The following CLIP2 variants were observed in gnomAD, a reference collection of about 807,000 sequenced individuals.
The protein encoded by CLIP2 is CAP-Gly domain-containing linker protein 2.
Under a neutral mutation model 111.7 loss-of-function variants are expected in CLIP2, and 41 were observed. That is an observed-to-expected ratio of 0.37 (90% CI 0.29 to 0.48). The LOEUF is 0.48. Ranked by LOEUF, CLIP2 falls within the 20% of genes least tolerant of loss-of-function variation. The pLI is 0.99. For missense variants in CLIP2, 1,160 were observed against 1,422.1 expected, an observed-to-expected ratio of 0.82 and a Z score of 2.96; for synonymous variants, 660 against 644.2, an observed-to-expected ratio of 1.02 and a Z score of -0.37.
At chr7:74,349,985 G>A (rs1381783457) in intron 3 of CLIP2, among the ~76,000 whole-genome samples, 1 of 152,010 alleles carries the variant, frequency 6.6e-6, no homozygotes, top group Non-Finnish European at 1.5e-5. Context: ...TAGACTAAGG[G>A]TTGTCAGGGG....
intron 3 of CLIP2, among the ~76,000 whole-genome samples, chr7:74,349,168 T>C (rs567578788): frequency 1.5e-4 from 21 of 140,724 alleles, no homozygotes; most frequent in Admixed American, 3.5e-4. Flanking sequence ...CATGGTAGCT[T>C]ACGCCTGTAA....
intron 2 of CLIP2, among the ~76,000 whole-genome samples, chr7:74,324,353 G>A (rs1181884029): frequency 6.6e-6 from 1 of 152,106 alleles, no homozygotes; most frequent in Non-Finnish European, 1.5e-5. Context: ...TGCATCCTAT[G>A]GGAAGCACCT....
At position 74,376,222 on chromosome 7, in the gene CLIP2, G is replaced by A; in HGVS notation, c.1821G>A (p.Met607Ile). The A allele has an allele frequency of 6.2e-7, 1 of 1,612,748 alleles. No individual in the cohort carries two copies. Among genetic ancestry groups the A allele is most frequent in the Non-Finnish European group, 8.5e-7 (1 of 1,179,448 alleles). Residue 607 changes from methionine to isoleucine, a missense_variant, in exon 10 of 17, where the codon ATG (methionine) becomes ATA (isoleucine). Met to Ile is a conservative substitution (Grantham distance 10). Around this residue, in one of 5 missense-constraint regions of CLIP2, gnomAD observed 676 missense variants for 777.8 expected, o/e 0.87. Coordinates refer to ENST00000223398, the MANE Select transcript of CLIP2 (RefSeq NM_003388.5). The surrounding 1 kb of genome is among the most constrained non-coding windows in gnomAD (Gnocchi z 7.1). ...DKVQQATSEN[M>I]GLMDNWKSKL... ...TTCAGCAGGCCACCAGCGAGAACAT[G>A]GGGCTAATGGACAACTGGAAATCCA...
intron 7 of CLIP2, among the ~76,000 whole-genome samples, chr7:74,361,932 C>T (rs2116620655): frequency 6.6e-6 from 1 of 152,114 alleles, no homozygotes; most frequent in South Asian, 2.1e-4. Context: ...GAAACCCTGT[C>T]TCTACTAAAA....
At chr7:74,399,271 C>T (rs1183694590) in intron 14 of CLIP2, among the ~76,000 whole-genome samples, 2 of 152,096 alleles carry the variant, frequency 1.3e-5, no homozygotes, top group Non-Finnish European at 2.9e-5. Flanking sequence ...GGTGCGGTGG[C>T]TCATGCCTAT....
At chr7:74,388,492 C>T (rs1302057463) in intron 12 of CLIP2, among the ~76,000 whole-genome samples, 2 of 148,218 alleles carry the variant, frequency 1.3e-5, no homozygotes, top group East Asian at 2.0e-4. Flanking sequence ...AGCAAGACTC[C>T]GTCTCAAAAA....
Position 74,403,837 on chromosome 7 carries a change from G to T in CLIP2, c.3130G>T (p.Asp1044Tyr). 6.2e-7 allele frequency: 1 copy of T among 1,613,234 alleles called. No homozygotes were observed. The change falls in exon 17 of 17, where the codon GAC (aspartate) becomes TAC (tyrosine). Residue 1044 changes from aspartate to tyrosine, a missense_variant and splice_region_variant. Asp to Tyr is a radical substitution (Grantham distance 160). Coordinates refer to ENST00000223398, the MANE Select transcript of CLIP2 (RefSeq NM_003388.5). ...HQQDKAQKQE[D>Y]KH Reference sequence around the variant, plus strand: ...TGATGATGCCCTTTACTCTCTCTAGGACAAGCACTGATCCTGAGGGGATAC... The same window carrying T: ...TGATGATGCCCTTTACTCTCTCTAGTACAAGCACTGATCCTGAGGGGATAC...
intron 13 of CLIP2, among the ~76,000 whole-genome samples, chr7:74,391,312 GA>G (rs1410949859): frequency 2.0e-5 from 3 of 152,224 alleles, no homozygotes; most frequent in Admixed American, 1.3e-4. Context: ...ACTAGCCCCA[GA>G]AAAAACCTAT....
chr7:74,336,481 G>T (rs569470599), intron 2 of CLIP2, among the ~76,000 whole-genome samples: 4 of 152,104 alleles, frequency 2.6e-5, no homozygotes, highest in African/African-American at 9.6e-5. Context: ...CATGGCGGCA[G>T]ACAAGAGAGA....
intron 14 of CLIP2, among the ~76,000 whole-genome samples, chr7:74,397,721 C>T (rs1791499347): frequency 7.3e-6 from 1 of 137,926 alleles, no homozygotes; most frequent in African/African-American, 2.8e-5. Context: ...GGCTGGAGTG[C>T]AGTGGCGCGA....
rs1554307400 is a variant in CLIP2 at position 74,351,006 on chromosome 7, A to AGGAAAG, written c.679-2874_679-2873insGGAAAG. 3.0e-5 allele frequency among the ~76,000 whole-genome samples: 4 copies of AGGAAAG among 135,588 alleles called. No individual in the cohort carries two copies. In the East Asian group the frequency reaches 8.8e-4, roughly 30 times the overall value. The allele number at this position is 135,588 out of a possible 152,430, so 89.0% of individuals were successfully genotyped here. On this transcript the variant is annotated intron_variant, in intron 3 of 16. Coordinates refer to ENST00000223398, the MANE Select transcript of CLIP2 (RefSeq NM_003388.5). ...AGGGAAGGAAGAGAAGAAGGAGAGA[A>AGGAAAG]AGAAAGAAGGAAGGAAAGGGAAGAG...
chr7:74,340,797 G>A (rs570831865), intron 3 of CLIP2, among the ~76,000 whole-genome samples: 1 of 152,280 alleles, frequency 6.6e-6, no homozygotes, highest in East Asian at 1.9e-4. Flanking sequence ...CCTGGGGTGT[G>A]AGGAGCTGTC....
intron 2 of CLIP2, among the ~76,000 whole-genome samples, chr7:74,329,665 A>G (rs1010762475): frequency 6.6e-6 from 1 of 151,176 alleles, no homozygotes; most frequent in Non-Finnish European, 1.5e-5. Flanking sequence ...ACACTTTTTT[A>G]TCTGCCCCCA....
chr7:74,322,072 A>G (rs550556265), intron 2 of CLIP2, among the ~76,000 whole-genome samples: 2 of 147,946 alleles, frequency 1.4e-5, no homozygotes, highest in East Asian at 4.0e-4. Flanking sequence ...GCTGATTGCA[A>G]CCTCTGCCTC....
chr7:74,343,618 C>A (rs529293690), intron 3 of CLIP2, among the ~76,000 whole-genome samples: 2 of 151,964 alleles, frequency 1.3e-5, no homozygotes, highest in African/African-American at 4.8e-5. Context: ...GGCAGCCGGG[C>A]ACGGTGGCTC....
rs1298881144 is a variant in CLIP2, at chr7:74,376,792, C to T, written c.2391C>T (p.Val797=). ...TGGCTGAGAACAGACTCCAGGCGGT[C>T]GAGGCCCTGTGCTCCTCCCAGCACA... The part of the protein sequence containing the change: ...LLVAENRLQA[V]EALCSSQHTH... Residue 797 remains valine, a synonymous_variant, in exon 10 of 17, where the codon GTC becomes GTT. Transcript: ENST00000223398. This position sits in a 1 kb window ranked among gnomAD's most constrained non-coding sequence, Gnocchi z 7.1. 10 of 1,605,674 alleles carry T rather than the reference C, an allele frequency of 6.2e-6. No individual in the cohort carries two copies. The highest frequency in any genetic ancestry group is 5.3e-5 in the African/African-American group (4 of 74,794).
intron 10 of CLIP2, among the ~76,000 whole-genome samples, chr7:74,377,632 A>G (rs566934586): frequency 6.6e-6 from 1 of 152,062 alleles, no homozygotes; most frequent in African/African-American, 2.4e-5. Context: ...GCTCCATTTC[A>G]CAGGTGAGCA....
rs996980546 is a variant in CLIP2 at position 74,388,863 on chromosome 7, G to A, written c.2564-240G>A. 14 of 397,294 alleles carry A rather than the reference G, an allele frequency of 3.5e-5. 1 individual carries two copies. In the East Asian group the frequency reaches 6.5e-4, roughly 18 times the overall value. The allele number at this position is 397,294 out of a possible 1,614,324, so 24.6% of individuals were successfully genotyped here. A position where few individuals can be genotyped will look rare whatever the true frequency, so the allele number is the denominator to read the frequency against. On this transcript the variant is annotated intron_variant, in intron 12 of 16. Transcript: ENST00000223398. The stretch of plus-strand genomic sequence containing the variant: ...CCCAGCTACTCAGGAGGCTGAGGCA[G>A]GAGGATTGCTTGAGCTCAGGAGTTG...
chr7:74,355,198 G>A (rs1790113197), intron 4 of CLIP2, among the ~76,000 whole-genome samples: 1 of 152,184 alleles, frequency 6.6e-6, no homozygotes, highest in Non-Finnish European at 1.5e-5. Flanking sequence ...AGAAGGTAGG[G>A]TTTCCTTTTG....
Sources: allele counts gnomAD v4.1 joint callset (sites outside exome capture counted in the v4.1 genomes callset), GRCh38; gene constraint gnomAD v4.1.1; regional missense constraint gnomAD v4.1.1; non-coding constraint Gnocchi (gnomAD v3.1); transcripts MANE v1.5; gene names NCBI Gene and HGNC (gene_info 2026-07-23, HGNC 2026-07-21).